IL12RB1: variants seen among roughly 807,000 people sequenced by gnomAD.
IL12RB1 encodes the protein interleukin 12 receptor subunit beta 1, also known as interleukin-12 receptor subunit beta-1.
Under a neutral mutation model 94.4 loss-of-function variants are expected in IL12RB1, and 64 were observed. That is an observed-to-expected ratio of 0.68 (90% CI 0.55 to 0.83). The LOEUF is 0.83. Among genes scored for constraint, IL12RB1 ranks in the 40% least tolerant of loss-of-function variants. IL12RB1 has a pLI of 0.00. For synonymous variants in IL12RB1, 362 were observed against 355.5 expected (o/e 1.02, Z -0.21); for missense variants, 814 against 855.6 (o/e 0.95, Z 0.61).
chr19:18,060,826 C>T (rs1035434151), intron 15 of IL12RB1, among the ~76,000 whole-genome samples: 2 of 152,170 alleles, frequency 1.3e-5, no homozygotes, highest in Non-Finnish European at 2.9e-5. Flanking sequence ...CGGAAGAACC[C>T]TGAACGGGCA....
intron 13 of IL12RB1, among the ~76,000 whole-genome samples, chr19:18,063,078 A>AT (rs67262412): frequency 0.013 from 657 of 51,470 alleles, 141 homozygotes; most frequent in African/African-American, 0.022. Context: ...TTCTTCTTCT[A>AT]TTTTTTTTTT....
At chr19:18,075,925 G>C in intron 6 of IL12RB1, 57 bp from the exon 7 acceptor site, 1 of 1,572,614 alleles carries the variant, frequency 6.4e-7, no homozygotes. Context: ...CTTGGCACCA[G>C]TCACTTAACC....
At chr19:18,064,082 C>G in intron 12 of IL12RB1, 72 bp from the exon 13 acceptor site, 2 of 1,051,790 alleles carry the variant, frequency 1.9e-6, no homozygotes, top group Non-Finnish European at 2.9e-6. Context: ...GCTACCACAG[C>G]CTGTGGGTGG....
intron 2 of IL12RB1, among the ~76,000 whole-genome samples, chr19:18,082,817 C>T (rs1339456273): frequency 6.6e-6 from 1 of 152,172 alleles, no homozygotes; most frequent in Non-Finnish European, 1.5e-5. Context: ...TGGCTCATTC[C>T]TGGAATCCCA....
chr19:18,070,438 G>T, intron 9 of IL12RB1: 1 of 706,744 alleles, frequency 1.4e-6, no homozygotes, highest in Non-Finnish European at 1.7e-6. Context: ...GGCGCCACTG[G>T]TGGTCTCATG....
chr19:18,066,669 G>C lies in IL12RB1; in HGVS notation c.1356C>G (p.Val452=). The stretch of plus-strand genomic sequence containing the variant: ...AGTCCAAGCTATGATTCTTCACCGA[G>C]ACGTGGTGCGGTGTCCCAGCTGCTG... ...NASAAGTPHH[V]SVKNHSLDSV... The change falls in exon 12 of 17, where the codon GTC becomes GTG. Residue 452 remains valine (V), a synonymous_variant. Transcript: ENST00000593993. 1 of 1,607,588 alleles carries C rather than the reference G, an allele frequency of 6.2e-7. No homozygotes were observed. The highest frequency in any genetic ancestry group is 1.3e-5 in the African/African-American group (1 of 74,924).
chr19:18,077,088 C>T (rs1051919666), intron 5 of IL12RB1, among the ~76,000 whole-genome samples: 1 of 152,050 alleles, frequency 6.6e-6, no homozygotes. Flanking sequence ...GGGAGCAAGG[C>T]GTGGTGGTTC....
chr19:18,095,897 G>A (rs1204530951), intron 1 of IL12RB1, among the ~76,000 whole-genome samples: 1 of 152,146 alleles, frequency 6.6e-6, no homozygotes, highest in Admixed American at 6.6e-5. Context: ...AACTGCGGCT[G>A]CAGAGAAAGT....
In IL12RB1 at chr19:18,066,685, C is replaced by T; in HGVS notation, c.1340G>A (p.Gly447Glu). ...YHFGGNASAA[G>E]TPHHVSVKNH... The stretch of plus-strand genomic sequence containing the variant: ...CTTCACCGAGACGTGGTGCGGTGTC[C>T]CAGCTGCTGAGGCTGCAACCAGTAC... Residue 447 changes from glycine (G) to glutamate (E), a missense_variant, in exon 12 of 17, where the codon GGG becomes GAG. By Grantham distance (98) the Gly-to-Glu change is moderately conservative. Coordinates refer to ENST00000593993, the MANE Select transcript of IL12RB1 (RefSeq NM_005535.3). 1 of 1,609,462 alleles carries T rather than the reference C, an allele frequency of 6.2e-7. No individual in the cohort carries two copies. The highest frequency in any genetic ancestry group is 8.5e-7 in the Non-Finnish European group (1 of 1,176,832).
chr19:18,060,029 G>A lies in IL12RB1; in HGVS notation c.1848C>T (p.Ala616=), dbSNP rs752842137. 4.4e-6 allele frequency: 7 copies of A among 1,605,938 alleles called. No individual in the cohort carries two copies. Among genetic ancestry groups the A allele is most frequent in the African/African-American group, 1.3e-5 (1 of 74,742 alleles). The part of the protein sequence containing the change: ...DFQEEASLQE[A]LVVEMSWDKG... ...TGTCCCAGGACATCTCTACCACCAG[G>A]GCCTCCTGCAGGGATGCCTCTTCCT... The change falls in exon 16 of 17, where the codon GCC becomes GCT. Residue 616 remains alanine (A), a synonymous_variant. Coordinates refer to ENST00000593993, the MANE Select transcript of IL12RB1 (RefSeq NM_005535.3).
In IL12RB1 at chr19:18,062,214, A is replaced by G; in HGVS notation, c.1682T>C (p.Leu561Pro). The change falls in exon 14 of 17, where the codon CTC becomes CCC. Residue 561 changes from leucine to proline, a missense_variant. By Grantham distance (98) the Leu-to-Pro change is moderately conservative. Coordinates refer to ENST00000593993, the MANE Select transcript of IL12RB1 (RefSeq NM_005535.3). ...ASLGSFLSILLVGVLGYLGLN... is the reference protein window; with the variant it reads ...ASLGSFLSILPVGVLGYLGLN... ...GCCAAGGTAGCCAAGGACGCCCACG[A>G]GAAGGATGCTCAGGAAGCTCCCCAG... 6.2e-7 allele frequency: 1 copy of G among 1,613,524 alleles called. No individual in the cohort carries two copies. Among genetic ancestry groups the G allele is most frequent in the East Asian group, 2.2e-5 (1 of 44,872 alleles).
chr19:18,059,909 G>T lies in IL12RB1; in HGVS notation c.1968C>A (p.Asp656Glu), dbSNP rs1475591709. The T allele has an allele frequency of 6.3e-7, 1 of 1,581,640 alleles. No individual in the cohort carries two copies. The highest frequency in any genetic ancestry group is 1.8e-5 in the Admixed American group (1 of 55,548). The change falls in exon 16 of 17, where the codon GAC becomes GAA. Residue 656 changes from aspartate to glutamate, a missense_variant. Asp to Glu is a conservative substitution (Grantham distance 45, BLOSUM62 2). Transcript: ENST00000593993. ...LDTELSLEDG[D>E]RCKAKM ...GCCCCAGGACCTTGGCCTTGCACCT[G>T]TCTCCATCCTCCAAGGACAACTCTG...
intron 3 of IL12RB1, among the ~76,000 whole-genome samples, chr19:18,081,284 T>A (rs1467707438): frequency 1.3e-5 from 2 of 151,592 alleles, no homozygotes; most frequent in African/African-American, 2.4e-5. Context: ...TTAGTAGAGA[T>A]GGAGTTTCAC....
chr19:18,084,011 C>G (rs1489605731), intron 1 of IL12RB1, among the ~76,000 whole-genome samples: 1 of 135,828 alleles, frequency 7.4e-6, no homozygotes, highest in Non-Finnish European at 1.6e-5. Flanking sequence ...ACCCATCTAC[C>G]CATCCATCCA....
chr19:18,069,788 C>A lies in IL12RB1; in HGVS notation c.1022-75G>T, dbSNP rs187664945. 12 of 1,088,690 alleles carry A rather than the reference C, an allele frequency of 1.1e-5. No individual in the cohort carries two copies. The African/African-American group carries it at 1.7e-4, about 15-fold the overall frequency. The allele number at this position is 1,088,690 out of a possible 1,614,324, so 67.4% of individuals were successfully genotyped here. A position where few individuals can be genotyped will look rare whatever the true frequency, so the allele number is the denominator to read the frequency against. ...CAGTCCCCTTCTCTGGCTCCTGCAGCCTCTCTCCCACCCTCTCGTCTATAC... is the reference window on the plus strand; with the variant it reads ...CAGTCCCCTTCTCTGGCTCCTGCAGACTCTCTCCCACCCTCTCGTCTATAC... On this transcript the variant is annotated intron_variant, in intron 9 of 16. Transcript: ENST00000593993.
intron 12 of IL12RB1, among the ~76,000 whole-genome samples, chr19:18,064,564 C>A (rs976219185): frequency 5.3e-5 from 8 of 151,856 alleles, no homozygotes; most frequent in Non-Finnish European, 1.2e-4. Flanking sequence ...CCTCCACCTC[C>A]CAGGTTCAAG....
chr19:18,079,467 A>G (rs2035723158), intron 4 of IL12RB1, among the ~76,000 whole-genome samples: 1 of 152,038 alleles, frequency 6.6e-6, no homozygotes, highest in South Asian at 2.1e-4. Flanking sequence ...TCTCTACTGT[A>G]CCTTGGAACT....
Position 18,082,160 on chromosome 19 carries a change from G to A in IL12RB1, c.229C>T (p.Leu77=), listed in dbSNP as rs2035960568. Residue 77 remains leucine, a synonymous_variant, in exon 3 of 17, where the codon CTG becomes TTG. Transcript: ENST00000593993. ...TAGAGGGGTCCTCACCAACACCGCA[G>A]GAAGTGGCTGACCCCAGCTGTGGGA... ...EGPTAGVSHF[L]RCCLSSGRCC... The A allele has an allele frequency of 6.2e-7, 1 of 1,606,224 alleles. No homozygotes were observed. Among genetic ancestry groups the A allele is most frequent in the South Asian group, 1.1e-5 (1 of 90,858 alleles).
In IL12RB1 at chr19:18,062,257, G is replaced by A; in HGVS notation, c.1639C>T (p.Leu547Phe). ...CTCCCCAGGGAGGCGAAGAAGATGA[G>A]CCAATCAGAAACCTGCACTTCTGAG... ...FSIEVQVSDW[L>F]IFFASLGSFL... Residue 547 changes from leucine (L) to phenylalanine (F), a missense_variant, in exon 14 of 17, where the codon CTC becomes TTC. Coordinates refer to ENST00000593993, the MANE Select transcript of IL12RB1 (RefSeq NM_005535.3). 2.5e-6 allele frequency: 4 copies of A among 1,612,284 alleles called. 1 individual carries two copies. The East Asian group carries it at 8.9e-5, about 36-fold the overall frequency.
Sources: gnomAD v4.1 joint callset for allele counts (sites outside exome capture counted in the v4.1 genomes callset) on GRCh38, gnomAD v4.1.1 for gene constraint, MANE v1.5 for transcripts, NCBI Gene and HGNC (gene_info 2026-07-23, HGNC 2026-07-21) for gene names.